CDH12: variants seen among roughly 807,000 people sequenced by gnomAD.
CDH12 encodes the protein cadherin 12, also known as cadherin-12.
In CDH12, 41 loss-of-function variants were observed where a neutral mutation model predicts 74.1. The observed-to-expected ratio is 0.55, with a 90% CI of 0.43 to 0.72. The LOEUF is 0.72. Ranked by LOEUF, CDH12 falls within the 30% of genes least tolerant of loss-of-function variation. CDH12 has a pLI of 0.00. For synonymous variants in CDH12, 399 were observed against 355.0 expected, an observed-to-expected ratio of 1.12 and a Z score of -1.39; for missense variants, 945 against 977.2, an observed-to-expected ratio of 0.97 and a Z score of 0.44.
intron 4 of CDH12, among the ~76,000 whole-genome samples, chr5:22,163,888 A>C (rs1326587741): frequency 2.6e-5 from 4 of 152,216 alleles, no homozygotes; most frequent in Non-Finnish European, 5.9e-5. Flanking sequence ...TGAGACTTCT[A>C]ATAAAGTACA....
intron 3 of CDH12, among the ~76,000 whole-genome samples, chr5:22,254,560 G>T (rs1305194569): frequency 6.6e-6 from 1 of 151,754 alleles, no homozygotes; most frequent in South Asian, 2.1e-4. Context: ...TAACTAATGG[G>T]TATCAGGTTT....
intron 1 of CDH12, among the ~76,000 whole-genome samples, chr5:22,533,007 A>G (rs967578325): frequency 6.6e-6 from 1 of 152,138 alleles, no homozygotes; most frequent in African/African-American, 2.4e-5. Context: ...GAAACTTTAA[A>G]GAGGTATATC....
chr5:22,419,709 A>G (rs1743554191), intron 2 of CDH12, among the ~76,000 whole-genome samples: 1 of 152,108 alleles, frequency 6.6e-6, no homozygotes, highest in Non-Finnish European at 1.5e-5. Context: ...AGCTGTAGGT[A>G]TTTGAGGAAT....
intron 1 of CDH12, among the ~76,000 whole-genome samples, chr5:22,647,726 T>G (rs2126879346): frequency 6.6e-6 from 1 of 152,008 alleles, no homozygotes; most frequent in East Asian, 1.9e-4. Context: ...ATATGAATTT[T>G]AGGGGACACA....
At chr5:22,105,747 T>TA (rs1188000329) in intron 4 of CDH12, among the ~76,000 whole-genome samples, 1 of 151,506 alleles carries the variant, frequency 6.6e-6, no homozygotes, top group Non-Finnish European at 1.5e-5. Context: ...TAAAATAAAA[T>TA]AAAAACATCA....
intron 3 of CDH12, among the ~76,000 whole-genome samples, chr5:22,289,749 C>T (rs1737302935): frequency 6.6e-6 from 1 of 152,114 alleles, no homozygotes; most frequent in African/African-American, 2.4e-5. Flanking sequence ...GAGAAACGGT[C>T]TTCTTGGGGG....
intron 3 of CDH12, among the ~76,000 whole-genome samples, chr5:22,367,823 T>C (rs1741096698): frequency 6.6e-6 from 1 of 152,214 alleles, no homozygotes; most frequent in African/African-American, 2.4e-5. Context: ...CATTAAATTT[T>C]GTCATCTCCA....
At chr5:22,185,607 G>T (rs554266857) in intron 4 of CDH12, among the ~76,000 whole-genome samples, 1 of 152,230 alleles carries the variant, frequency 6.6e-6, no homozygotes, top group African/African-American at 2.4e-5. Context: ...ACTATTCATT[G>T]TCTCAAACAC....
intron 1 of CDH12, among the ~76,000 whole-genome samples, chr5:22,564,430 G>A (rs1267499769): frequency 1.3e-5 from 2 of 152,134 alleles, no homozygotes; most frequent in South Asian, 2.1e-4. Flanking sequence ...TTCATTTTGA[G>A]AGTGTTCACT....
intron 5 of CDH12, among the ~76,000 whole-genome samples, chr5:22,050,179 C>CT (rs202229228): frequency 1.3e-5 from 2 of 152,024 alleles, no homozygotes; most frequent in African/African-American, 4.8e-5. Flanking sequence ...AGTATCTCTA[C>CT]TTTTTTTTCT....
intron 1 of CDH12, among the ~76,000 whole-genome samples, chr5:22,708,744 T>TGAAATAA (rs1425840679): frequency 6.6e-6 from 1 of 152,140 alleles, no homozygotes; most frequent in East Asian, 1.9e-4. Context: ...AGACCACAGA[T>TGAAATAA]ATTGAGGGTG....
Position 22,228,644 on chromosome 5 carries a change from T to A in CDH12, c.-332-16001A>T, listed in dbSNP as rs1193475974. On this transcript the variant is annotated intron_variant, in intron 3 of 14. Coordinates refer to ENST00000382254, the MANE Select transcript of CDH12 (RefSeq NM_004061.5). ...TGATACCAAGTAGTATGTATTTTTC[T>A]CATGAGACTGAGGAATTCTGTTCTG... Among the ~76,000 whole-genome samples, 10 of 152,294 alleles carry A rather than the reference T, an allele frequency of 6.6e-5. 1 individual carries two copies. In the East Asian group the frequency reaches 1.7e-3, roughly 26 times the overall value.
At chr5:22,360,946 T>C (rs1420945310) in intron 3 of CDH12, among the ~76,000 whole-genome samples, 1 of 152,128 alleles carries the variant, frequency 6.6e-6, no homozygotes, top group Non-Finnish European at 1.5e-5. Flanking sequence ...TAATAAGAGC[T>C]ATTTATGAAA....
chr5:22,697,248 A>T (rs1373164348), intron 1 of CDH12, among the ~76,000 whole-genome samples: 1 of 152,112 alleles, frequency 6.6e-6, no homozygotes, highest in Non-Finnish European at 1.5e-5. Context: ...GTTGCAGGTG[A>T]GGTTCAGAGT....
intron 3 of CDH12, among the ~76,000 whole-genome samples, chr5:22,270,639 A>G (rs530837523): frequency 3.0e-4 from 46 of 151,268 alleles, no homozygotes; most frequent in Non-Finnish European, 5.2e-4. Context: ...ACACACACAC[A>G]TCTATATATA....
chr5:22,405,180 A>C, intron 3 of CDH12, 77 bp downstream of exon 3: 1 of 282,948 alleles, frequency 3.5e-6, no homozygotes. Context: ...ACTTCACTCC[A>C]GTCTGGGTGA....
chr5:21,944,527 G>A (rs1161176934), intron 6 of CDH12, among the ~76,000 whole-genome samples: 2 of 152,168 alleles, frequency 1.3e-5, no homozygotes, highest in African/African-American at 4.8e-5. Context: ...GTGTTGCCAT[G>A]TAAAATTTAA....
At chr5:22,147,132 T>C (rs1198588950) in intron 4 of CDH12, among the ~76,000 whole-genome samples, 1 of 152,192 alleles carries the variant, frequency 6.6e-6, no homozygotes, top group Non-Finnish European at 1.5e-5. Flanking sequence ...TCCAACTCTT[T>C]GTTATTCTCA....
chr5:22,083,359 A>G (rs374228338), intron 4 of CDH12, among the ~76,000 whole-genome samples: 11 of 152,202 alleles, frequency 7.2e-5, no homozygotes, highest in African/African-American at 2.4e-4. Context: ...AATTTATATT[A>G]GGAGTGTACT....
Sources: allele counts gnomAD v4.1 joint callset (sites outside exome capture counted in the v4.1 genomes callset), GRCh38; gene constraint gnomAD v4.1.1; transcripts MANE v1.5; gene names NCBI Gene and HGNC (gene_info 2026-07-23, HGNC 2026-07-21).